Variants in THSD7B observed in about 807,000 individuals in gnomAD.
THSD7B encodes the protein thrombospondin type-1 domain-containing protein 7B.
In THSD7B, 138 loss-of-function variants were observed where a neutral mutation model predicts 213.6. The observed-to-expected ratio is 0.65, with a 90% CI of 0.56 to 0.74. The LOEUF (loss-of-function observed/expected upper bound fraction) is 0.74, where lower values mean the gene tolerates loss of function less well. THSD7B is among the 30% of genes least tolerant of loss of function. The pLI is 0.00. For synonymous variants in THSD7B, 742 were observed against 687.0 expected, an observed-to-expected ratio of 1.08 and a Z score of -1.25; for missense variants, 1,931 against 1,991.5, an observed-to-expected ratio of 0.97 and a Z score of 0.58.
chr2:137,626,477 AAAAG>A (rs567156603), intron 20 of THSD7B, among the ~76,000 whole-genome samples: 22,485 of 140,704 alleles, frequency 0.16, 2,149 homozygotes, highest in African/African-American at 0.26. Flanking sequence ...AAAAAAAAAA[AAAAG>A]AAAAAGAAAA....
chr2:137,159,173 TGTAATCCCA>T (rs1422973103), intron 5 of THSD7B, among the ~76,000 whole-genome samples: 3 of 152,056 alleles, frequency 2.0e-5, no homozygotes, highest in Admixed American at 6.6e-5. Flanking sequence ...GGCTCACGTG[TGTAATCCCA>T]GCACTTTGGG....
intron 9 of THSD7B, among the ~76,000 whole-genome samples, chr2:137,241,708 C>T (rs1216393227): frequency 1.3e-4 from 19 of 151,816 alleles, no homozygotes; most frequent in Non-Finnish European, 2.9e-5. Flanking sequence ...GTCGAGAGAT[C>T]GAGATCATCC....
At chr2:137,381,653 C>T (rs1164452840) in intron 12 of THSD7B, among the ~76,000 whole-genome samples, 4 of 152,316 alleles carry the variant, frequency 2.6e-5, no homozygotes, top group South Asian at 2.1e-4. Flanking sequence ...CAATGAGTGA[C>T]ACACTCACAG....
At chr2:137,242,662 CCT>C in intron 10 of THSD7B, 90 bp downstream of exon 10, 1 of 867,674 alleles carries the variant, frequency 1.2e-6, no homozygotes, top group Non-Finnish European at 1.8e-6. Context: ...AATGTGAGCA[CCT>C]TTTTTTTTTT....
At chr2:137,038,148 T>G (rs1228052345) in intron 2 of THSD7B, among the ~76,000 whole-genome samples, 1 of 152,190 alleles carries the variant, frequency 6.6e-6, no homozygotes, top group East Asian at 1.9e-4. Context: ...ACTTGGGAAC[T>G]TAAGGGCTGT....
At chr2:137,169,026 T>G (rs112576963) in intron 6 of THSD7B, among the ~76,000 whole-genome samples, 3 of 151,984 alleles carry the variant, frequency 2.0e-5, no homozygotes, top group Non-Finnish European at 2.9e-5. Flanking sequence ...CATTATTATT[T>G]TTTTTTTAAC....
chr2:136,851,594 G>C (rs1011387791), intron 1 of THSD7B, among the ~76,000 whole-genome samples: 19 of 152,150 alleles, frequency 1.2e-4, no homozygotes, highest in Non-Finnish European at 1.6e-4. Context: ...GAAATTAGCT[G>C]ATCTGGGCTG....
At chr2:137,588,972 G>T (rs935144015) in intron 17 of THSD7B, among the ~76,000 whole-genome samples, 1 of 151,906 alleles carries the variant, frequency 6.6e-6, no homozygotes, top group Non-Finnish European at 1.5e-5. Flanking sequence ...TAGAGATGGG[G>T]TTTTGCCATG....
intron 14 of THSD7B, among the ~76,000 whole-genome samples, chr2:137,441,954 G>A (rs1211189062): frequency 2.0e-5 from 3 of 152,010 alleles, no homozygotes; most frequent in Non-Finnish European, 2.9e-5. Context: ...TTTAGTAGCA[G>A]TAAAATGTTA....
rs761264218 is a variant in THSD7B at position 137,608,564 on chromosome 2, C to T, written c.3424-7611C>T. On this transcript the variant is annotated intron_variant, in intron 17 of 27. Coordinates refer to ENST00000409968, the MANE Select transcript of THSD7B (RefSeq NM_001316349.2). The stretch of plus-strand genomic sequence containing the variant: ...AAGGATATTAAAAGTACACCTAGCT[C>T]GTTGGGAGGTTGAAGAGATGTGTGA... 8.0e-4 allele frequency among the ~76,000 whole-genome samples: 121 copies of T among 152,082 alleles called. 1 individual carries two copies. Among genetic ancestry groups the T allele is most frequent in the Non-Finnish European group, 5.0e-4 (34 of 68,010 alleles).
intron 17 of THSD7B, among the ~76,000 whole-genome samples, chr2:137,575,180 T>G: frequency 6.6e-6 from 1 of 152,058 alleles, no homozygotes; most frequent in East Asian, 1.9e-4. Flanking sequence ...AATAGCTATT[T>G]TTTTCAGATT....
rs1190886249 is a variant in THSD7B, at chr2:137,394,516, T to C, written c.2501-11097T>C. On this transcript the variant is annotated intron_variant, in intron 12 of 27. Transcript: ENST00000409968. ...TGAGGGCTGTGTTCTGTTCCATTGA[T>C]CTATATCTCTGTTTTGGTACCAGTA... Among the ~76,000 whole-genome samples, 3 of 136,754 alleles carry C rather than the reference T, an allele frequency of 2.2e-5. No homozygotes were observed. The East Asian group carries it at 6.1e-4, about 28-fold the overall frequency. 89.7% of individuals were successfully genotyped at this position (136,754 alleles called of 152,430 possible).
intron 21 of THSD7B, among the ~76,000 whole-genome samples, chr2:137,646,737 A>G (rs1683041183): frequency 6.6e-6 from 1 of 151,618 alleles, no homozygotes; most frequent in Non-Finnish European, 1.5e-5. Flanking sequence ...ACCATGAGCA[A>G]TAAATTTCCA....
At chr2:136,834,856 G>A (rs919784596) in intron 1 of THSD7B, among the ~76,000 whole-genome samples, 2 of 152,096 alleles carry the variant, frequency 1.3e-5, no homozygotes, top group African/African-American at 4.8e-5. Flanking sequence ...ATAAATCTAT[G>A]TTATCTTCTG....
chr2:137,072,416 G>A (rs974269781), intron 3 of THSD7B, among the ~76,000 whole-genome samples: 2 of 151,728 alleles, frequency 1.3e-5, no homozygotes, highest in Non-Finnish European at 2.9e-5. Flanking sequence ...TCTGTTATTG[G>A]TGTATAAGAA....
chr2:137,249,792 C>T (rs917477953), intron 10 of THSD7B, among the ~76,000 whole-genome samples: 2 of 152,226 alleles, frequency 1.3e-5, no homozygotes, highest in African/African-American at 2.4e-5. Context: ...CAACGAGCTA[C>T]TTGCTACATC....
At chr2:136,890,303 C>CTTCTTCTTCTTCTTCTTCTTCTTCTT (rs200389806) in intron 2 of THSD7B, among the ~76,000 whole-genome samples, 5 of 5,162 alleles carry the variant, frequency 9.7e-4, no homozygotes, top group African/African-American at 2.3e-3. Context: ...ATGTCCTACT[C>CTTCTTCTTCTTCTTCTTCTTCTTCTT]CTTCTTCTTC....
At chr2:137,568,632 T>C (rs1375337456) in intron 16 of THSD7B, among the ~76,000 whole-genome samples, 1 of 152,142 alleles carries the variant, frequency 6.6e-6, no homozygotes, top group East Asian at 1.9e-4. Flanking sequence ...GCTTGGACCT[T>C]CTCACATGGC....
chr2:137,386,306 T>A (rs1009536727), intron 12 of THSD7B, among the ~76,000 whole-genome samples: 2 of 152,222 alleles, frequency 1.3e-5, no homozygotes, highest in African/African-American at 4.8e-5. Context: ...CTGTGTATCT[T>A]AGGCCACTAG....
Sources: gnomAD v4.1 joint callset for allele counts (sites outside exome capture counted in the v4.1 genomes callset) on GRCh38, gnomAD v4.1.1 for gene constraint, MANE v1.5 for transcripts, NCBI Gene and HGNC (gene_info 2026-07-23, HGNC 2026-07-21) for gene names.